CFH: variants seen among roughly 807,000 people sequenced by gnomAD.
CFH encodes complement factor H.
A neutral mutation model predicts 147.3 loss-of-function variants in CFH; 53 were observed. The observed-to-expected ratio is 0.36, with a 90% CI of 0.29 to 0.45. CFH has a LOEUF of 0.45. CFH is among the 20% of genes least tolerant of loss of function. The pLI is 1.00. For synonymous variants in CFH, 536 were observed against 489.4 expected (o/e 1.10, Z -1.26); for missense variants, 1,380 against 1,498.0 (o/e 0.92, Z 1.30).
chr1:196,657,796 T>C (rs1558148398), intron 1 of CFH, among the ~76,000 whole-genome samples: 2 of 152,038 alleles, frequency 1.3e-5, no homozygotes, highest in Non-Finnish European at 2.9e-5. Context: ...TATCTACTGT[T>C]TTTTATGCAC....
At chr1:196,683,449 G>C (rs528138536) in intron 6 of CFH, among the ~76,000 whole-genome samples, 8 of 151,802 alleles carry the variant, frequency 5.3e-5, no homozygotes, top group African/African-American at 1.9e-4. Context: ...ATAAATGTGA[G>C]ACGGGAAAGT....
chr1:196,702,955 A>ATTTATTTGG (rs1668497711), intron 9 of CFH, among the ~76,000 whole-genome samples: 1 of 152,196 alleles, frequency 6.6e-6, no homozygotes, highest in African/African-American at 2.4e-5. Flanking sequence ...ATATTGACCC[A>ATTTATTTGG]GAAGCCCCAG....
chr1:196,732,960 G>A (rs1409237186), intron 15 of CFH, among the ~76,000 whole-genome samples: 5 of 152,004 alleles, frequency 3.3e-5, no homozygotes, highest in African/African-American at 1.2e-4. Context: ...CTTGAAATGA[G>A]TCCATTGTAT....
intron 1 of CFH, among the ~76,000 whole-genome samples, chr1:196,659,394 G>C (rs1666829712): frequency 1.3e-5 from 2 of 152,118 alleles, no homozygotes; most frequent in Admixed American, 6.6e-5. Context: ...TCTTAGCCTG[G>C]GAAGGTTCTT....
chr1:196,732,624 T>G (rs1265114485), intron 15 of CFH, among the ~76,000 whole-genome samples: 1 of 152,016 alleles, frequency 6.6e-6, no homozygotes, highest in Non-Finnish European at 1.5e-5. Flanking sequence ...GAGAAAGACC[T>G]CACTAATTTT....
chr1:196,714,092 A>G (rs1323661785), intron 10 of CFH, among the ~76,000 whole-genome samples, 175 bp downstream of exon 10: 1 of 152,006 alleles, frequency 6.6e-6, no homozygotes, highest in African/African-American at 2.4e-5. Flanking sequence ...CTCAGATATT[A>G]GTCTGTCTTT....
chr1:196,692,764 T>TTTCCCTTCCTTTC lies in CFH; in HGVS notation c.1336+2526_1336+2527insTCCCTTCCTTTCT, dbSNP rs1668092589. Among the ~76,000 whole-genome samples the TTTCCCTTCCTTTC allele has an allele frequency of 7.3e-4, 28 of 38,176 alleles. 1 individual carries two copies. The highest frequency in any genetic ancestry group is 4.2e-3 in the African/African-American group (28 of 6,612). The allele number at this position is 38,176 out of a possible 152,430, so 25.0% of individuals were successfully genotyped here. A position where few individuals can be genotyped will look rare whatever the true frequency, so the allele number is the denominator to read the frequency against. ...CCTTTCTTTTTCTTTCTTTCTTTCT[T>TTTCCCTTCCTTTC]TCTTTCTTTCTTTCTTTCTTTCTTT... On this transcript the variant is annotated intron_variant, in intron 9 of 21. Transcript: ENST00000367429.
intron 9 of CFH, among the ~76,000 whole-genome samples, chr1:196,694,051 A>G (rs1573033606): frequency 6.6e-6 from 1 of 151,566 alleles, no homozygotes; most frequent in African/African-American, 2.4e-5. Context: ...GGTTTGTTAC[A>G]TAAGTATACG....
At chr1:196,664,111 G>A (rs758173771) in intron 1 of CFH, among the ~76,000 whole-genome samples, 1 of 151,856 alleles carries the variant, frequency 6.6e-6, no homozygotes, top group Admixed American at 6.6e-5. Context: ...GCTGGAGTGC[G>A]GTGACATGAT....
chr1:196,696,334 A>G (rs1558165645), intron 9 of CFH, among the ~76,000 whole-genome samples: 1 of 152,188 alleles, frequency 6.6e-6, no homozygotes, highest in East Asian at 1.9e-4. Context: ...CTACATGGAA[A>G]CTGAACAACC....
At chr1:196,702,024 G>A (rs1037430489) in intron 9 of CFH, among the ~76,000 whole-genome samples, 3 of 152,140 alleles carry the variant, frequency 2.0e-5, no homozygotes, top group African/African-American at 7.2e-5. Flanking sequence ...AATGTTTTAT[G>A]TTGCTTTGGA....
At chr1:196,733,505 A>C (rs1185925026) in intron 15 of CFH, among the ~76,000 whole-genome samples, 1 of 152,082 alleles carries the variant, frequency 6.6e-6, no homozygotes, top group African/African-American at 2.4e-5. Flanking sequence ...GGATGACACA[A>C]ACCTTTTTGA....
chr1:196,717,325 G>A, intron 11 of CFH, among the ~76,000 whole-genome samples: 1 of 152,018 alleles, frequency 6.6e-6, no homozygotes, highest in East Asian at 1.9e-4. Context: ...AAAGGATTGT[G>A]TTAGTTAGCA....
chr1:196,658,137 T>C (rs1197521561), intron 1 of CFH, among the ~76,000 whole-genome samples: 4 of 152,098 alleles, frequency 2.6e-5, no homozygotes, highest in Non-Finnish European at 4.4e-5. Flanking sequence ...TGACCAAAAT[T>C]ATATAACTAT....
At chr1:196,713,970 A>C in intron 10 of CFH, 53 bp downstream of exon 10, 1 of 1,500,542 alleles carries the variant, frequency 6.7e-7, no homozygotes, top group South Asian at 1.1e-5. Context: ...ACAAAAGTTT[A>C]CTAACTTTAG....
At chr1:196,704,950 C>T (rs1036089950) in intron 9 of CFH, among the ~76,000 whole-genome samples, 1 of 152,134 alleles carries the variant, frequency 6.6e-6, no homozygotes, top group Non-Finnish European at 1.5e-5. Context: ...CATCTGTATT[C>T]CCCTGAGTCC....
intron 15 of CFH, among the ~76,000 whole-genome samples, chr1:196,736,145 C>T (rs1162520506): frequency 6.6e-6 from 1 of 152,030 alleles, no homozygotes; most frequent in Non-Finnish European, 1.5e-5. Context: ...ACAAAGGTGT[C>T]TTTATATGTG....
chr1:196,656,686 G>GTTTTTTTTTTTTT (rs563378238), intron 1 of CFH, among the ~76,000 whole-genome samples: 1 of 132,550 alleles, frequency 7.5e-6, no homozygotes, highest in African/African-American at 2.8e-5. Context: ...TGTGTGTTGC[G>GTTTTTTTTTTTTT]TTTTTTTTTT....
intron 10 of CFH, among the ~76,000 whole-genome samples, chr1:196,714,664 TATATAGAGAGAGAGAG>T (rs1249085909): frequency 1.5e-3 from 47 of 31,776 alleles, no homozygotes; most frequent in East Asian, 3.8e-3. Context: ...TATATATATA[TATATAGAGAGAGAGAG>T]AGAGAGAGAG....
Sources: gnomAD v4.1 joint callset for allele counts (sites outside exome capture counted in the v4.1 genomes callset) on GRCh38, gnomAD v4.1.1 for gene constraint, MANE v1.5 for transcripts, NCBI Gene and HGNC (gene_info 2026-07-23, HGNC 2026-07-21) for gene names.